The following GALR1 variants were observed in gnomAD, a reference collection of about 807,000 sequenced individuals.
GALR1 encodes the protein galanin receptor 1.
Under a neutral mutation model 17.9 loss-of-function variants are expected in GALR1, and 11 were observed. The ratio of observed to expected loss-of-function variants is 0.62; its 90% confidence interval spans 0.39 to 1.02. The LOEUF is 1.02. Ranked by LOEUF, GALR1 falls within the 50% of genes least tolerant of loss-of-function variation. The probability of loss-of-function intolerance (pLI) is 0.01; values close to 1 mark genes in which losing one functional copy is unlikely to be tolerated. For missense variants in GALR1, 441 were observed against 456.9 expected (o/e 0.97, Z 0.32); for synonymous variants, 206 against 205.7 (o/e 1.00, Z -0.01).
intron 2 of GALR1, among the ~76,000 whole-genome samples, chr18:77,258,714 T>TGGTGATGATG (rs1599358215): frequency 6.7e-5 from 2 of 29,808 alleles, no homozygotes; most frequent in Middle Eastern, 0.028. Context: ...GTGATGGTGG[T>TGGTGATGATG]GCTGGTGATG....
rs1425361402 is a variant in GALR1 at position 77,270,651 on chromosome 18, A to C, written c.*1749A>C. 3 of 151,970 alleles carry C rather than the reference A, an allele frequency of 2.0e-5. No homozygotes were observed. Among genetic ancestry groups the C allele is most frequent in the Non-Finnish European group, 2.9e-5 (2 of 68,010 alleles). 9.4% of individuals were successfully genotyped at this position (151,970 alleles called of 1,614,324 possible). A position where few individuals can be genotyped will look rare whatever the true frequency, so the allele number is the denominator to read the frequency against. ...ACTTGACATAAGCCTTTGGCATGCT[A>C]ATTTTTTTAGCTCATTCACTTACTT... is the stretch of plus-strand genomic sequence containing the variant. On this transcript the variant is annotated 3_prime_UTR_variant, in exon 3 of 3. Coordinates refer to ENST00000299727, the MANE Select transcript of GALR1 (RefSeq NM_001480.4).
At chr18:77,254,774 G>A (rs1912548655) in intron 1 of GALR1, among the ~76,000 whole-genome samples, 2 of 152,244 alleles carry the variant, frequency 1.3e-5, no homozygotes, top group African/African-American at 4.8e-5. Flanking sequence ...TGGTAGAACA[G>A]TAAACTAACA....
Position 77,253,926 on chromosome 18 carries a change from T to A in GALR1, c.667-2232T>A, listed in dbSNP as rs572233443. 7 of 152,174 alleles carry A rather than the reference T, an allele frequency of 4.6e-5. No homozygotes were observed. In the East Asian group the frequency reaches 1.3e-3, roughly 29 times the overall value. 9.4% of individuals were successfully genotyped at this position (152,174 alleles called of 1,614,324 possible). The stretch of plus-strand genomic sequence containing the variant: ...TCGAATACATGGGTGGGAGGATGAG[T>A]CGAAGTGGTCTGCCCAGTGCCCCCT... On this transcript the variant is annotated intron_variant, in intron 1 of 2. Coordinates refer to ENST00000299727, the MANE Select transcript of GALR1 (RefSeq NM_001480.4).
chr18:77,254,371 A>C (rs1390949692), intron 1 of GALR1, among the ~76,000 whole-genome samples: 1 of 152,256 alleles, frequency 6.6e-6, no homozygotes, highest in Non-Finnish European at 1.5e-5. Context: ...TATTTTCTCC[A>C]TTGACCATTT....
Position 77,276,176 on chromosome 18 carries a change from A to G in GALR1, c.*7274A>G, listed in dbSNP as rs200601115. 2.4e-4 allele frequency: 37 copies of G among 152,324 alleles called. No individual in the cohort carries two copies. The East Asian group carries it at 6.4e-3, about 26-fold the overall frequency. The allele number at this position is 152,324 out of a possible 1,614,324, so 9.4% of individuals were successfully genotyped here. A position where few individuals can be genotyped will look rare whatever the true frequency, so the allele number is the denominator to read the frequency against. On this transcript the variant is annotated 3_prime_UTR_variant, in exon 3 of 3. Transcript: ENST00000299727. ...TGACAATGAGGTATAGAAATCCAAA[A>G]TTTTCTTGGGTACAATTGAACAAAT...
At chr18:77,264,623 A>G (rs1453585725) in intron 2 of GALR1, among the ~76,000 whole-genome samples, 1 of 152,170 alleles carries the variant, frequency 6.6e-6, no homozygotes, top group African/African-American at 2.4e-5. Context: ...CACTGCTAAT[A>G]AAGACATACC....
intron 2 of GALR1, among the ~76,000 whole-genome samples, chr18:77,261,487 A>G (rs1018667848): frequency 6.6e-6 from 1 of 152,188 alleles, no homozygotes; most frequent in Non-Finnish European, 1.5e-5. Context: ...CACTGGTCTT[A>G]GTCTGTTCAG....
chr18:77,251,954 C>G (rs1912428610), intron 1 of GALR1, among the ~76,000 whole-genome samples: 1 of 152,230 alleles, frequency 6.6e-6, no homozygotes, highest in African/African-American at 2.4e-5. Context: ...GCTCCAGGAA[C>G]TTGGAATGGA....
At chr18:77,254,732 T>C (rs1912547657) in intron 1 of GALR1, among the ~76,000 whole-genome samples, 1 of 152,228 alleles carries the variant, frequency 6.6e-6, no homozygotes, top group Admixed American at 6.5e-5. Flanking sequence ...TGTCGTTGCC[T>C]TGCATTCAGG....
chr18:77,251,311 G>C, intron 1 of GALR1, 97 bp downstream of exon 1: 2 of 1,481,802 alleles, frequency 1.3e-6, no homozygotes, highest in Non-Finnish European at 1.8e-6. Context: ...CGGAGCCTTG[G>C]CGGCAGCCTG....
At chr18:77,264,384 C>T (rs536453632) in intron 2 of GALR1, among the ~76,000 whole-genome samples, 1 of 152,228 alleles carries the variant, frequency 6.6e-6, no homozygotes, top group East Asian at 1.9e-4. Context: ...AAAAATAAGG[C>T]TCTGTTTATT....
chr18:77,259,649 G>C (rs1220665191), intron 2 of GALR1, among the ~76,000 whole-genome samples: 1 of 151,002 alleles, frequency 6.6e-6, no homozygotes, highest in Non-Finnish European at 1.5e-5. Context: ...GGTGACAGTG[G>C]TGGCAGTGGT....
chr18:77,250,446 A>G lies in GALR1; in HGVS notation c.-103A>G. The G allele has an allele frequency of 8.1e-7, 1 of 1,227,122 alleles. No homozygotes were observed. Among genetic ancestry groups the G allele is most frequent in the Non-Finnish European group, 1.1e-6 (1 of 934,176 alleles). The allele number at this position is 1,227,122 out of a possible 1,614,324, so 76.0% of individuals were successfully genotyped here. On this transcript the variant is annotated 5_prime_UTR_variant, in exon 1 of 3. Transcript: ENST00000299727. ...GGGAAGCTCAGACTCCTAAACTCGC[A>G]CTCTCCGTGCTTTGCGCCGGGACCC... is the stretch of plus-strand genomic sequence containing the variant.
rs572737478 is a variant in GALR1, at chr18:77,271,955, G to C, written c.*3053G>C. The C allele has an allele frequency of 1.3e-5, 2 of 152,076 alleles. No individual in the cohort carries two copies. The highest frequency in any genetic ancestry group is 4.2e-4 in the South Asian group (2 of 4,818). The allele number at this position is 152,076 out of a possible 1,614,324, so 9.4% of individuals were successfully genotyped here. A position where few individuals can be genotyped will look rare whatever the true frequency, so the allele number is the denominator to read the frequency against. ...ACAGATTCTCTGTGCTCTTCTGACC[G>C]GGTATGTACTCAGCAACATGGGGGA... On this transcript the variant is annotated 3_prime_UTR_variant, in exon 3 of 3. Transcript: ENST00000299727.
chr18:77,256,798 C>T (rs1912601619), intron 2 of GALR1, among the ~76,000 whole-genome samples: 1 of 152,154 alleles, frequency 6.6e-6, no homozygotes, highest in African/African-American at 2.4e-5. Flanking sequence ...CTTTCTCATC[C>T]CCCAGCCCCG....
At chr18:77,266,936 G>A (rs112374541) in intron 2 of GALR1, among the ~76,000 whole-genome samples, 83 of 152,302 alleles carry the variant, frequency 5.4e-4, no homozygotes, top group South Asian at 2.3e-3. Context: ...GCCAGCTCAC[G>A]CTCTGATGCT....
rs1913004265 is a variant in GALR1, at chr18:77,268,909, A to G, written c.*7A>G. On this transcript the variant is annotated 3_prime_UTR_variant, in exon 3 of 3. Transcript: ENST00000299727. ...CAATTGTACTCATGTGTGATAAAAG[A>G]TAGAGTATCCTTATGGTTGAGTTTC... 9 of 1,599,012 alleles carry G rather than the reference A, an allele frequency of 5.6e-6. No individual in the cohort carries two copies. The highest frequency in any genetic ancestry group is 1.3e-5 in the African/African-American group (1 of 74,582).
In GALR1 at chr18:77,258,806, G is replaced by A. The variant is rs1442260304; in HGVS notation, c.732+2583G>A. 1.1e-3 allele frequency among the ~76,000 whole-genome samples: 160 copies of A among 140,022 alleles called. 2 individuals are homozygous for A. The highest frequency in any genetic ancestry group is 1.6e-3 in the Non-Finnish European group (103 of 64,630). 91.9% of individuals were successfully genotyped at this position (140,022 alleles called of 152,430 possible). On this transcript the variant is annotated intron_variant, in intron 2 of 2. Transcript: ENST00000299727. Reference sequence around the variant, plus strand: ...GGTGGTGGTGGTGGTGATGGTGGTGGTGGTCATAGTGGTGGTGGTGCTGGT... The same window carrying A: ...GGTGGTGGTGGTGGTGATGGTGGTGATGGTCATAGTGGTGGTGGTGCTGGT...
Position 77,251,189 on chromosome 18 carries a change from T to G in GALR1, c.641T>G (p.Leu214Arg). 6.2e-7 allele frequency: 1 copy of G among 1,609,196 alleles called. No homozygotes were observed. The change falls in exon 1 of 3, where the codon CTG (leucine) becomes CGG (arginine). Residue 214 changes from leucine (L) to arginine (R), a missense_variant. By Grantham distance (102) the Leu-to-Arg change is moderately radical. Transcript: ENST00000299727. Reference protein sequence around the residue: ...TFVFGYLLPLLLICFCYAKVL... With the variant: ...TFVFGYLLPLRLICFCYAKVL... ...GTCTTCGGCTACCTGCTGCCGCTCC[T>G]GCTCATCTGCTTCTGCTATGCCAAG...
Sources: allele counts gnomAD v4.1 joint callset (sites outside exome capture counted in the v4.1 genomes callset), GRCh38; gene constraint gnomAD v4.1.1; transcripts MANE v1.5; gene names NCBI Gene and HGNC (gene_info 2026-07-23, HGNC 2026-07-21).